The following SSUH2 variants were observed in gnomAD, a reference collection of about 807,000 sequenced individuals.
The protein encoded by SSUH2 is protein SSUH2 homolog.
In SSUH2, 47 loss-of-function variants were observed where a neutral mutation model predicts 55.3. The ratio of observed to expected loss-of-function variants is 0.85; its 90% CI spans 0.67 to 1.08. SSUH2 has a LOEUF of 1.08. Ranked by LOEUF, SSUH2 falls within the 50% of genes least tolerant of loss-of-function variation. SSUH2 has a pLI of 0.00. For missense variants in SSUH2, 535 were observed against 490.7 expected (o/e 1.09, Z -0.85); for synonymous variants, 212 against 191.5 (o/e 1.11, Z -0.89).
At chr3:8,650,473 T>A (rs1702267940) in intron 7 of SSUH2, among the ~76,000 whole-genome samples, 1 of 152,242 alleles carries the variant, frequency 6.6e-6, no homozygotes, top group African/African-American at 2.4e-5. Context: ...AGGGACTTTA[T>A]CTTCCCATTG....
At chr3:8,633,844 G>T (rs1451641164) in intron 3 of SSUH2, 49 bp from the exon 4 acceptor site, 3 of 1,613,272 alleles carry the variant, frequency 1.9e-6, no homozygotes, top group Admixed American at 1.7e-5. Flanking sequence ...AGGGCCTGTG[G>T]ACTCACGCGG....
intron 1 of SSUH2, among the ~76,000 whole-genome samples, chr3:8,681,216 C>G (rs950468251): frequency 9.3e-5 from 14 of 150,420 alleles, no homozygotes; most frequent in Non-Finnish European, 1.9e-4. Flanking sequence ...CCTCTTCCCC[C>G]CCTGGCTCTC....
intron 1 of SSUH2, among the ~76,000 whole-genome samples, chr3:8,642,719 G>C (rs1701062786): frequency 2.0e-5 from 3 of 152,136 alleles, no homozygotes; most frequent in African/African-American, 7.2e-5. Context: ...AAAGTGATGG[G>C]ACAACACTAT....
At chr3:8,650,660 G>A (rs2044241144) in intron 7 of SSUH2, among the ~76,000 whole-genome samples, 1 of 152,200 alleles carries the variant, frequency 6.6e-6, no homozygotes, top group African/African-American at 2.4e-5. Flanking sequence ...AGGAACAGCA[G>A]GAAGGAGTTC....
rs563482918 is a variant in SSUH2, at chr3:8,623,707, C to A, written c.874-51G>T. The A allele has an allele frequency of 2.4e-5, 24 of 996,342 alleles. No individual in the cohort carries two copies. The Admixed American group carries it at 3.4e-4, about 14-fold the overall frequency. The allele number at this position is 996,342 out of a possible 1,614,324, so 61.7% of individuals were successfully genotyped here. ...ACCACCTGGCTGCCGCACCTGGAGC[C>A]TTGGAAGTCACTGGGGCTGACTAGA... On this transcript the variant is annotated intron_variant, in intron 10 of 11. Transcript: ENST00000544814.
chr3:8,674,815 G>A (rs561492735), intron 3 of SSUH2, among the ~76,000 whole-genome samples: 3 of 152,026 alleles, frequency 2.0e-5, no homozygotes, highest in Admixed American at 2.0e-4. Flanking sequence ...AGACTTTTCT[G>A]AACTGAGCTG....
At chr3:8,661,271 T>A (rs987672540) in intron 6 of SSUH2, among the ~76,000 whole-genome samples, 1 of 152,220 alleles carries the variant, frequency 6.6e-6, no homozygotes, top group South Asian at 2.1e-4. Context: ...AGCTTCCTAA[T>A]CCACCAAAAT....
intron 6 of SSUH2, among the ~76,000 whole-genome samples, chr3:8,662,138 C>A (rs1024026309): frequency 3.9e-5 from 6 of 152,190 alleles, no homozygotes; most frequent in African/African-American, 1.4e-4. Context: ...CACATGCCCA[C>A]CTTTGTTCCA....
intron 2 of SSUH2, among the ~76,000 whole-genome samples, chr3:8,677,690 T>C (rs1181749091): frequency 6.6e-6 from 1 of 150,836 alleles, no homozygotes; most frequent in Non-Finnish European, 1.5e-5. Flanking sequence ...ACAGGGTTTC[T>C]AAAGGATTGC....
chr3:8,664,249 T>C lies in SSUH2; in HGVS notation c.-454-447A>G, dbSNP rs149007433. 3.5e-4 allele frequency among the ~76,000 whole-genome samples: 53 copies of C among 152,358 alleles called. 2 individuals carry two copies. In the South Asian group the frequency reaches 7.7e-3, roughly 22 times the overall value. On this transcript the variant is annotated intron_variant, in intron 5 of 18. Coordinates refer to the SSUH2 transcript ENST00000317371. ...GATGTTACATCTTTCAAGAGCCTCG[T>C]GTTCTTCTCAGCAACTTCAGGTCAT...
intron 2 of SSUH2, 106 bp from the exon 3 acceptor site, chr3:8,635,487 G>T: frequency 1.1e-6 from 1 of 893,328 alleles, no homozygotes; most frequent in Non-Finnish European, 1.7e-6. Flanking sequence ...AACAGATGAA[G>T]AAACAGTGAT....
chr3:8,642,120 G>C (rs1411818871), intron 1 of SSUH2, among the ~76,000 whole-genome samples: 1 of 152,222 alleles, frequency 6.6e-6, no homozygotes, highest in African/African-American at 2.4e-5. Flanking sequence ...TGTATTTATA[G>C]CCCATCTTAC....
At chr3:8,667,407 C>T (rs980610566) in intron 5 of SSUH2, among the ~76,000 whole-genome samples, 5 of 152,200 alleles carry the variant, frequency 3.3e-5, no homozygotes, top group Non-Finnish European at 5.9e-5. Context: ...TCACTTTTGT[C>T]ACCATCTTGG....
At chr3:8,661,964 TTC>T (rs1703535607) in intron 6 of SSUH2, among the ~76,000 whole-genome samples, 1 of 152,208 alleles carries the variant, frequency 6.6e-6, no homozygotes, top group South Asian at 2.1e-4. Flanking sequence ...TTGGCTCTCA[TTC>T]TCTCTCTTGT....
intron 5 of SSUH2, among the ~76,000 whole-genome samples, chr3:8,664,948 T>A (rs1703855413): frequency 6.6e-6 from 1 of 152,214 alleles, no homozygotes; most frequent in Non-Finnish European, 1.5e-5. Context: ...GAGCTTTAAT[T>A]CTCTCTGGCA....
At chr3:8,634,711 A>G in intron 3 of SSUH2, 1 of 565,596 alleles carries the variant, frequency 1.8e-6, no homozygotes, top group Non-Finnish European at 2.9e-6. Context: ...CAGGGCCAGA[A>G]GCCCCCGGGA....
upstream of SSUH2, among the ~76,000 whole-genome samples, chr3:8,647,979 G>A (rs1000183337): frequency 6.6e-6 from 1 of 152,174 alleles, no homozygotes; most frequent in Non-Finnish European, 1.5e-5. Flanking sequence ...CCATGCCCAA[G>A]CACCCTCCTC....
In SSUH2 at chr3:8,679,258, C is replaced by A. The variant is rs1412928081; in HGVS notation, c.-901+447G>T. ...GGGACTGAGAGCCAGCCAATTTTCC[C>A]CCTGGCTTTTAGGACCCCCATCGGA... On this transcript the variant is annotated intron_variant, in intron 2 of 18. Coordinates refer to the SSUH2 transcript ENST00000317371. Among the ~76,000 whole-genome samples, 4 of 89,446 alleles carry A rather than the reference C, an allele frequency of 4.5e-5. 2 individuals carry two copies. Among genetic ancestry groups the A allele is most frequent in the Non-Finnish European group, 1.0e-4 (4 of 38,652 alleles). The allele number at this position is 89,446 out of a possible 152,430, so 58.7% of individuals were successfully genotyped here.
At position 8,633,958 on chromosome 3, in the gene SSUH2, G is replaced by A. The variant is rs532681892; in HGVS notation, c.210-163C>T. On this transcript the variant is annotated intron_variant, in intron 3 of 11. Coordinates refer to ENST00000544814, the MANE Select transcript of SSUH2 (RefSeq NM_001256748.3). Reference sequence around the variant, plus strand: ...GGGCATCTCCTGCAAAGGGGACCATGTGAACGGGTGCCCAGCGTGAGAACG... The same window carrying A: ...GGGCATCTCCTGCAAAGGGGACCATATGAACGGGTGCCCAGCGTGAGAACG... 3.2e-5 allele frequency: 52 copies of A among 1,613,026 alleles called. 1 individual carries two copies. The South Asian group carries it at 4.9e-4, about 15-fold the overall frequency.
Sources: allele counts gnomAD v4.1 joint callset (sites outside exome capture counted in the v4.1 genomes callset), GRCh38; gene constraint gnomAD v4.1.1; transcripts MANE v1.5; gene names NCBI Gene and HGNC (gene_info 2026-07-23, HGNC 2026-07-21).